The following AOPEP variants were observed in gnomAD, a reference collection of about 807,000 sequenced individuals.
The protein encoded by AOPEP is aminopeptidase O (putative), also known as aminopeptidase O.
AOPEP carries 77 observed loss-of-function variants against 98.1 expected under a neutral mutation model. The ratio of observed to expected loss-of-function variants is 0.78; its 90% confidence interval spans 0.65 to 0.95. The LOEUF is 0.95. AOPEP is among the 40% of genes least tolerant of loss of function. The pLI is 0.00. For missense variants in AOPEP, 1,024 were observed against 1,024.7 expected, an observed-to-expected ratio of 1.00 and a Z score of 0.01; for synonymous variants, 346 against 365.3, an observed-to-expected ratio of 0.95 and a Z score of 0.60.
At chr9:94,989,763 C>T (rs2060773375) in intron 11 of AOPEP, among the ~76,000 whole-genome samples, 1 of 151,902 alleles carries the variant, frequency 6.6e-6, no homozygotes, top group Admixed American at 6.6e-5. Flanking sequence ...AGACACTAGC[C>T]ACCATACTCG....
At chr9:95,141,985 G>GTTTTTTTTTTT in the AOPEP span, among the ~76,000 whole-genome samples, 2 of 83,138 alleles carry the variant, frequency 2.4e-5, no homozygotes, top group Non-Finnish European at 2.1e-5. Flanking sequence ...AGTTTGTGGG[G>GTTTTTTTTTTT]TTTTTTTTTT....
chr9:95,135,115 G>A, the AOPEP span, among the ~76,000 whole-genome samples: 1 of 152,188 alleles, frequency 6.6e-6, no homozygotes, highest in Non-Finnish European at 1.5e-5. Context: ...GTGAACATGT[G>A]ATATACGGCA....
At chr9:94,845,911 A>T (rs1409229864) in intron 5 of AOPEP, among the ~76,000 whole-genome samples, 2 of 152,106 alleles carry the variant, frequency 1.3e-5, no homozygotes, top group African/African-American at 4.8e-5. Context: ...CCTGGCCAAC[A>T]TTGCAAAACT....
At chr9:95,067,770 A>C (rs767449040) in intron 14 of AOPEP, among the ~76,000 whole-genome samples, 22 of 152,332 alleles carry the variant, frequency 1.4e-4, no homozygotes, top group Middle Eastern at 6.8e-3. Flanking sequence ...ACAGAGTTGT[A>C]CAACCATCAC....
At chr9:94,745,198 A>G (rs898898795) in intron 1 of AOPEP, among the ~76,000 whole-genome samples, 4 of 152,214 alleles carry the variant, frequency 2.6e-5, no homozygotes, top group East Asian at 3.9e-4. Flanking sequence ...CTTTGTACCC[A>G]TTAACCATCC....
chr9:94,968,683 C>T (rs1359427993), intron 10 of AOPEP, among the ~76,000 whole-genome samples: 2 of 152,200 alleles, frequency 1.3e-5, no homozygotes, highest in South Asian at 2.1e-4. Flanking sequence ...TGGAGCAAGT[C>T]ACATAATCCC....
intron 5 of AOPEP, among the ~76,000 whole-genome samples, chr9:94,871,066 C>T (rs990591440): frequency 4.6e-5 from 7 of 152,210 alleles, no homozygotes; most frequent in Admixed American, 6.5e-5. Flanking sequence ...GGCGCAGGCG[C>T]GACTCCCAGT....
downstream of AOPEP, among the ~76,000 whole-genome samples, chr9:95,088,365 A>G (rs570969535): frequency 8.8e-4 from 134 of 152,208 alleles, 1 homozygote; most frequent in Non-Finnish European, 1.4e-3. Context: ...TCCCGCCACC[A>G]TGCCCAGCTA....
rs554104571 is a variant in AOPEP, at chr9:94,923,943, G to T, written c.1365-43G>T. 104 of 1,313,446 alleles carry T rather than the reference G, an allele frequency of 7.9e-5. No individual in the cohort carries two copies. In the African/African-American group the frequency reaches 1.4e-3, roughly 18 times the overall value. The allele number at this position is 1,313,446 out of a possible 1,614,324, so 81.4% of individuals were successfully genotyped here. A position where few individuals can be genotyped will look rare whatever the true frequency, so the allele number is the denominator to read the frequency against. The stretch of plus-strand genomic sequence containing the variant: ...CCCCATCGGATGGCCATGAGGACAG[G>T]CTCTAACAAGACTCTGTGCATTTTC... On this transcript the variant is annotated intron_variant, in intron 5 of 16. Coordinates refer to ENST00000375315, the MANE Select transcript of AOPEP (RefSeq NM_001193329.3).
At chr9:94,911,950 C>A (rs921965605) in intron 5 of AOPEP, among the ~76,000 whole-genome samples, 1 of 152,186 alleles carries the variant, frequency 6.6e-6, no homozygotes, top group Non-Finnish European at 1.5e-5. Context: ...AGCACCCTGA[C>A]CAAGAAATGC....
At chr9:95,067,858 C>T (rs2068073906) in intron 14 of AOPEP, among the ~76,000 whole-genome samples, 1 of 152,192 alleles carries the variant, frequency 6.6e-6, no homozygotes, top group South Asian at 2.1e-4. Context: ...GCTCCCCAGT[C>T]CTAGGCAAGC....
intron 11 of AOPEP, among the ~76,000 whole-genome samples, chr9:94,991,031 A>T (rs2060861006): frequency 6.6e-6 from 1 of 152,202 alleles, no homozygotes; most frequent in East Asian, 1.9e-4. Flanking sequence ...TGCATACACA[A>T]GCATGACCCC....
the AOPEP span, among the ~76,000 whole-genome samples, chr9:95,097,993 G>A: frequency 2.0e-5 from 3 of 152,204 alleles, no homozygotes; most frequent in Non-Finnish European, 4.4e-5. Context: ...CCCGGGCTGG[G>A]GGAGGTGGTC....
intron 3 of AOPEP, among the ~76,000 whole-genome samples, chr9:94,776,126 A>G (rs192100207): frequency 4.6e-4 from 70 of 152,234 alleles, no homozygotes; most frequent in Admixed American, 3.1e-3. Context: ...ATCCAGTAAC[A>G]CTTCCCCAGG....
At chr9:94,940,293 G>C (rs1315325329) in intron 7 of AOPEP, among the ~76,000 whole-genome samples, 1 of 152,180 alleles carries the variant, frequency 6.6e-6, no homozygotes, top group Non-Finnish European at 1.5e-5. Flanking sequence ...GGCAATTGCT[G>C]TTTTGGTGGA....
chr9:94,789,992 G>A (rs559905849), intron 3 of AOPEP, among the ~76,000 whole-genome samples: 5 of 151,766 alleles, frequency 3.3e-5, no homozygotes, highest in Non-Finnish European at 7.4e-5. Flanking sequence ...TCCTGCTTCA[G>A]CCTCCCGAGT....
chr9:94,870,420 G>A (rs2046217175), intron 5 of AOPEP, among the ~76,000 whole-genome samples: 1 of 152,182 alleles, frequency 6.6e-6, no homozygotes, highest in South Asian at 2.1e-4. Context: ...GATGCTGAGT[G>A]GCTTACATAC....
At chr9:95,097,798 G>A in the AOPEP span, among the ~76,000 whole-genome samples, 2 of 152,184 alleles carry the variant, frequency 1.3e-5, no homozygotes, top group African/African-American at 4.8e-5. Context: ...TGGACCCATG[G>A]TATAAACCAA....
chr9:95,139,416 G>T, the AOPEP span, among the ~76,000 whole-genome samples: 569 of 152,258 alleles, frequency 3.7e-3, 5 homozygotes, highest in African/African-American at 0.012. Flanking sequence ...TCATCGTACT[G>T]CTGTCAATTT....
Sources: allele counts gnomAD v4.1 joint callset (sites outside exome capture counted in the v4.1 genomes callset), GRCh38; gene constraint gnomAD v4.1.1; transcripts MANE v1.5; gene names NCBI Gene and HGNC (gene_info 2026-07-23, HGNC 2026-07-21).